Variants in GPBP1 observed in about 807,000 individuals in gnomAD.
GPBP1 encodes the protein GC-rich promoter binding protein 1.
A neutral mutation model predicts 56.5 loss-of-function variants in GPBP1; 13 were observed. The ratio of observed to expected loss-of-function variants is 0.23; its 90% confidence interval spans 0.15 to 0.37. The LOEUF (loss-of-function observed/expected upper bound fraction) is 0.37, where lower values mean the gene tolerates loss of function less well. GPBP1 is among the 10% of genes least tolerant of loss of function. GPBP1 has a pLI of 1.00. For missense variants in GPBP1, 477 were observed against 572.3 expected (o/e 0.83, Z 1.70); for synonymous variants, 204 against 188.9 (o/e 1.08, Z -0.66).
At chr5:57,232,869 T>A (rs1756518578) in intron 5 of GPBP1, among the ~76,000 whole-genome samples, 1 of 152,218 alleles carries the variant, frequency 6.6e-6, no homozygotes, top group African/African-American at 2.4e-5. Flanking sequence ...ATTTCTAACA[T>A]AGGCATGAGT....
intron 2 of GPBP1, among the ~76,000 whole-genome samples, chr5:57,211,332 A>G (rs1039185635): frequency 6.6e-6 from 1 of 152,064 alleles, no homozygotes; most frequent in Non-Finnish European, 1.5e-5. Context: ...GACTACAGGC[A>G]TGGACCACCA....
chr5:57,224,839 A>G (rs1256807700), intron 3 of GPBP1, among the ~76,000 whole-genome samples: 1 of 151,812 alleles, frequency 6.6e-6, no homozygotes, highest in African/African-American at 2.4e-5. Context: ...AATCTAAATA[A>G]TTCTAACTTA....
chr5:57,177,648 CTTTTTTTTT>C lies in GPBP1; in HGVS notation c.-58+1270_-58+1278del, dbSNP rs58708281. ...GCCACCACGCTCGGCCAATTTTTGC[CTTTTTTTTT>C]TTTTTTTTTTTTTTTTTTTTTAGTA... On this transcript the variant is annotated intron_variant, in intron 2 of 11. Coordinates refer to ENST00000506184, the MANE Select transcript of GPBP1 (RefSeq NM_022913.4). Among the ~76,000 whole-genome samples the C allele has an allele frequency of 2.1e-3, 198 of 92,246 alleles. 2 individuals carry two copies. Among genetic ancestry groups the C allele is most frequent in the African/African-American group, 6.5e-3 (138 of 21,148 alleles). The allele number at this position is 92,246 out of a possible 152,430, so 60.5% of individuals were successfully genotyped here. A position where few individuals can be genotyped will look rare whatever the true frequency, so the allele number is the denominator to read the frequency against.
At chr5:57,238,450 C>T (rs35667155) in intron 6 of GPBP1, among the ~76,000 whole-genome samples, 31,327 of 151,934 alleles carry the variant, frequency 0.21, 4,002 homozygotes, top group Middle Eastern at 0.3. Context: ...CCTAGCTACT[C>T]GGGAGGCTGA....
chr5:57,221,481 CAAA>C (rs1211500246), intron 3 of GPBP1: 8 of 818,022 alleles, frequency 9.8e-6, no homozygotes, highest in Non-Finnish European at 1.4e-5. Context: ...GGAAGGATGA[CAAA>C]ATAATCCCTG....
chr5:57,238,605 G>GT (rs1740657278), intron 6 of GPBP1, among the ~76,000 whole-genome samples: 1 of 152,186 alleles, frequency 6.6e-6, no homozygotes, highest in Admixed American at 6.5e-5. Flanking sequence ...CTGATCATGT[G>GT]TTTTTAGAAG....
At chr5:57,255,903 C>G (rs551687536) in intron 10 of GPBP1, among the ~76,000 whole-genome samples, 1 of 152,284 alleles carries the variant, frequency 6.6e-6, no homozygotes, top group East Asian at 1.9e-4. Context: ...ATTTGGTTCT[C>G]TGTGACTACT....
At chr5:57,191,975 G>A (rs79837683) in intron 2 of GPBP1, among the ~76,000 whole-genome samples, 2 of 152,342 alleles carry the variant, frequency 1.3e-5, no homozygotes, top group East Asian at 3.8e-4. Flanking sequence ...GGATACTAAT[G>A]CAGATAAATA....
At chr5:57,181,827 A>C (rs912177481) in intron 2 of GPBP1, among the ~76,000 whole-genome samples, 2 of 152,156 alleles carry the variant, frequency 1.3e-5, no homozygotes, top group Admixed American at 6.6e-5. Flanking sequence ...TTGAAAAACA[A>C]AATGTTAGTG....
chr5:57,243,860 AT>A (rs545730051), intron 6 of GPBP1, among the ~76,000 whole-genome samples: 1 of 150,420 alleles, frequency 6.6e-6, no homozygotes, highest in Non-Finnish European at 1.5e-5. Flanking sequence ...AATTGAAAAA[AT>A]TTTTTTTTGT....
At chr5:57,222,473 C>T (rs1755994118) in intron 3 of GPBP1, among the ~76,000 whole-genome samples, 1 of 152,028 alleles carries the variant, frequency 6.6e-6, no homozygotes, top group African/African-American at 2.4e-5. Context: ...TTTATGCATA[C>T]ACCAGAATAT....
intron 2 of GPBP1, among the ~76,000 whole-genome samples, chr5:57,188,687 G>A (rs1754393679): frequency 6.6e-6 from 1 of 152,142 alleles, no homozygotes; most frequent in African/African-American, 2.4e-5. Flanking sequence ...AGGTTGTAGT[G>A]AGCCGAGATC....
At chr5:57,261,474 A>G (rs1741890255) in intron 11 of GPBP1, among the ~76,000 whole-genome samples, 192 bp downstream of exon 11, 1 of 152,104 alleles carries the variant, frequency 6.6e-6, no homozygotes, top group South Asian at 2.1e-4. Flanking sequence ...CCTGGGTGCC[A>G]GGTGATCCTC....
intron 1 of GPBP1, among the ~76,000 whole-genome samples, chr5:57,174,870 C>G (rs992426947): frequency 6.6e-6 from 1 of 152,180 alleles, no homozygotes; most frequent in Non-Finnish European, 1.5e-5. Flanking sequence ...GCCCTTTGCT[C>G]CCTCAGAAGT....
At chr5:57,234,816 G>A (rs1756597759) in intron 5 of GPBP1, among the ~76,000 whole-genome samples, 1 of 152,082 alleles carries the variant, frequency 6.6e-6, no homozygotes. Context: ...GCAAGGAAAT[G>A]GAGACCTCAG....
At chr5:57,246,185 G>T in intron 6 of GPBP1, 115 bp from the exon 7 acceptor site, 2 of 602,922 alleles carry the variant, frequency 3.3e-6, no homozygotes, top group Non-Finnish European at 2.8e-6. Flanking sequence ...TACCCAGGAG[G>T]CAGCTGTTAG....
chr5:57,260,439 G>C (rs946062898), intron 10 of GPBP1, among the ~76,000 whole-genome samples: 1 of 152,112 alleles, frequency 6.6e-6, no homozygotes, highest in Non-Finnish European at 1.5e-5. Context: ...CCATAAATTT[G>C]GTATTTGTTC....
intron 2 of GPBP1, among the ~76,000 whole-genome samples, chr5:57,182,717 T>C (rs558564267): frequency 6.6e-5 from 10 of 151,714 alleles, no homozygotes; most frequent in African/African-American, 2.2e-4. Context: ...AAAGTGTCAC[T>C]CTGCCACCCA....
intron 2 of GPBP1, among the ~76,000 whole-genome samples, chr5:57,180,207 C>T (rs75532692): frequency 0.032 from 4,843 of 152,222 alleles, 484 homozygotes; most frequent in East Asian, 0.29. Flanking sequence ...ATCCGCATCC[C>T]GGGTTCAAGT....
Sources: allele counts gnomAD v4.1 joint callset (sites outside exome capture counted in the v4.1 genomes callset), GRCh38; gene constraint gnomAD v4.1.1; transcripts MANE v1.5; gene names NCBI Gene and HGNC (gene_info 2026-07-23, HGNC 2026-07-21).